SLC15A5: variants seen among roughly 807,000 people sequenced by gnomAD.
SLC15A5 encodes the protein Peptide/histidine transporter ENSP00000340402.
Under a neutral mutation model 56.1 loss-of-function variants are expected in SLC15A5, and 58 were observed. The ratio of observed to expected loss-of-function variants is 1.03; its 90% CI spans 0.84 to 1.29. The LOEUF is 1.29. Ranked by LOEUF, SLC15A5 falls within the 50% of genes most tolerant of loss-of-function variation. The probability of loss-of-function intolerance (pLI) is 0.00; values close to 1 mark genes in which losing one functional copy is unlikely to be tolerated. For synonymous variants in SLC15A5, 264 were observed against 250.5 expected (o/e 1.05, Z -0.51); for missense variants, 681 against 672.1 (o/e 1.01, Z -0.15).
At chr12:16,263,281 T>C (rs1222533075) in intron 2 of SLC15A5, among the ~76,000 whole-genome samples, 3 of 152,152 alleles carry the variant, frequency 2.0e-5, no homozygotes, top group Non-Finnish European at 4.4e-5. Context: ...TTGTTATGTT[T>C]TAGCAGAGAC....
intron 3 of SLC15A5, among the ~76,000 whole-genome samples, chr12:16,245,488 T>C (rs745904045): frequency 1.3e-5 from 2 of 152,226 alleles, no homozygotes; most frequent in Non-Finnish European, 2.9e-5. Flanking sequence ...CACTTACTGC[T>C]AGTGATTTGC....
intron 2 of SLC15A5, among the ~76,000 whole-genome samples, chr12:16,260,177 C>T (rs1291092410): frequency 6.6e-6 from 1 of 152,166 alleles, no homozygotes; most frequent in East Asian, 1.9e-4. Flanking sequence ...TTCCCTAATA[C>T]TTTGTGTAAG....
rs1436303362 is a variant in SLC15A5, at chr12:16,243,073, C to T, written c.975+1507G>A. 1.3e-4 allele frequency among the ~76,000 whole-genome samples: 19 copies of T among 151,994 alleles called. No individual in the cohort carries two copies. The highest frequency in any genetic ancestry group is 9.8e-4 in the Admixed American group (15 of 15,270). On this transcript the variant is annotated intron_variant, in intron 4 of 8. Transcript: ENST00000344941. The surrounding 1 kb of genome is among the most constrained non-coding windows in gnomAD (Gnocchi z 4.4). Reference sequence around the variant, plus strand: ...AGTAAATATGTCCACATATGGGTTCCGTGGCAATTACTCAACTCTGCTATT... The same window carrying T: ...AGTAAATATGTCCACATATGGGTTCTGTGGCAATTACTCAACTCTGCTATT...
intron 8 of SLC15A5, among the ~76,000 whole-genome samples, chr12:16,191,407 C>G (rs1863837111): frequency 6.6e-6 from 1 of 151,940 alleles, no homozygotes; most frequent in African/African-American, 2.4e-5. Context: ...TCCTCAAGAT[C>G]TTGAGGACAA....
chr12:16,193,764 C>T (rs1863861562), intron 8 of SLC15A5, among the ~76,000 whole-genome samples: 1 of 117,560 alleles, frequency 8.5e-6, no homozygotes, highest in Non-Finnish European at 1.7e-5. Context: ...CACAGCTGTC[C>T]AAGAATATGT....
chr12:16,245,413 C>T (rs565732490), intron 3 of SLC15A5, among the ~76,000 whole-genome samples: 1 of 152,298 alleles, frequency 6.6e-6, no homozygotes, highest in South Asian at 2.1e-4. Context: ...CCAGTAGTTT[C>T]TTCTAGGTTT....
At position 16,235,811 on chromosome 12, in the gene SLC15A5, C is replaced by G. The variant is rs951076961; in HGVS notation, c.1162+3870G>C. 6.6e-6 allele frequency among the ~76,000 whole-genome samples: 1 copy of G among 152,066 alleles called. No homozygotes were observed. Among genetic ancestry groups the G allele is most frequent in the African/African-American group, 2.4e-5 (1 of 41,430 alleles). On this transcript the variant is annotated intron_variant, in intron 5 of 8. Transcript: ENST00000344941. The surrounding 1 kb of genome is among the most constrained non-coding windows in gnomAD (Gnocchi z 4.1). ...GAAAATAACTGGATCCTTGACTTGG[C>G]TTTTAGCTTAGCAACCACTTTGGTT... is the stretch of plus-strand genomic sequence containing the variant.
At chr12:16,254,461 A>G (rs1864549413) in intron 3 of SLC15A5, among the ~76,000 whole-genome samples, 1 of 152,114 alleles carries the variant, frequency 6.6e-6, no homozygotes, top group South Asian at 2.1e-4. Context: ...AATGATTAAG[A>G]TGGTTTATTT....
At position 16,244,607 on chromosome 12, in the gene SLC15A5, C is replaced by G; in HGVS notation, c.948G>C (p.Gln316His). Residue 316 changes from glutamine to histidine, a missense_variant, in exon 4 of 9, where the codon CAG (glutamine) becomes CAC (histidine). Coordinates refer to ENST00000344941, the MANE Select transcript of SLC15A5 (RefSeq NM_001170798.1). ...GCATAATGCACATTCTGTATAGGAG[C>G]TGAAAAATGAAGAGAGGGAGAAGGG... The part of the protein sequence containing the change: ...FLTLLPLFIF[Q>H]LLYRMCIMQI... 6.5e-7 allele frequency: 1 copy of G among 1,537,710 alleles called. No homozygotes were observed. The highest frequency in any genetic ancestry group is 8.7e-7 in the Non-Finnish European group (1 of 1,147,042).
chr12:16,232,036 C>A (rs1864304609), intron 5 of SLC15A5, among the ~76,000 whole-genome samples: 1 of 152,200 alleles, frequency 6.6e-6, no homozygotes, highest in South Asian at 2.1e-4. Flanking sequence ...CTGAGTAATA[C>A]TATTATTTTA....
At position 16,189,689 on chromosome 12, in the gene SLC15A5, A is replaced by G. The variant is rs1016020957; in HGVS notation, c.1719T>C (p.Asp573=). 6.6e-6 allele frequency: 10 copies of G among 1,523,806 alleles called. 1 individual carries two copies. The South Asian group carries it at 1.2e-4, about 19-fold the overall frequency. 94.4% of individuals were successfully genotyped at this position (1,523,806 alleles called of 1,614,324 possible). The change falls in exon 9 of 9, where the codon GAT becomes GAC. Residue 573 remains aspartate (D), a synonymous_variant. Transcript: ENST00000344941. The part of the protein sequence containing the change: ...GSIQEFSSSI[D]LWETAL ...AGTTTCATAGGGCTGTCTCCCAAAGATCAATACTTGAAGAAAATTCCTGTA... is the reference window on the plus strand; with the variant it reads ...AGTTTCATAGGGCTGTCTCCCAAAGGTCAATACTTGAAGAAAATTCCTGTA...
chr12:16,218,110 A>G (rs1285121959), intron 6 of SLC15A5, among the ~76,000 whole-genome samples: 3 of 152,162 alleles, frequency 2.0e-5, no homozygotes, highest in African/African-American at 7.2e-5. Flanking sequence ...GAAGGAAAAA[A>G]GATGTGAATG....
At chr12:16,256,577 G>C (rs1260821675) in intron 3 of SLC15A5, among the ~76,000 whole-genome samples, 1 of 152,120 alleles carries the variant, frequency 6.6e-6, no homozygotes, top group Non-Finnish European at 1.5e-5. Context: ...AATAAATTAG[G>C]GGCCGGGCGT....
chr12:16,232,923 A>C (rs1380633847), intron 5 of SLC15A5, among the ~76,000 whole-genome samples: 2 of 151,908 alleles, frequency 1.3e-5, no homozygotes, highest in African/African-American at 4.8e-5. Context: ...CTAAAAAAGA[A>C]AAAAAGAAAG....
At position 16,244,742 on chromosome 12, in the gene SLC15A5, C is replaced by A. The variant is rs1399874389; in HGVS notation, c.813G>T (p.Pro271=). 12 of 1,537,552 alleles carry A rather than the reference C, an allele frequency of 7.8e-6. No homozygotes were observed. The highest frequency in any genetic ancestry group is 1.0e-5 in the Non-Finnish European group (12 of 1,147,010). ...VLVSALKTCH[P]QYCHLGRDVT... The stretch of plus-strand genomic sequence containing the variant: ...CGTCTCTGCCAAGATGGCAGTATTG[C>A]GGGTGGCATGTTTTCAGTGCACTAA... Residue 271 remains proline, a synonymous_variant, in exon 4 of 9, where the codon CCG becomes CCT. Coordinates refer to ENST00000344941, the MANE Select transcript of SLC15A5 (RefSeq NM_001170798.1).
chr12:16,244,648 T>C lies in SLC15A5; in HGVS notation c.907A>G (p.Thr303Ala). 1 of 1,537,686 alleles carries C rather than the reference T, an allele frequency of 6.5e-7. No individual in the cohort carries two copies. The highest frequency in any genetic ancestry group is 8.7e-7 in the Non-Finnish European group (1 of 1,147,022). The part of the protein sequence containing the change: ...GCYSELHVED[T>A]TFFLTLLPLF... ...GGGAGAAGGGTGAGGAAAAATGTTG[T>C]GTCTTCTACATGGAGCTCACTGTAG... The change falls in exon 4 of 9, where the codon ACA (threonine) becomes GCA (alanine). Residue 303 changes from threonine (T) to alanine (A), a missense_variant. By Grantham distance (58) the Thr-to-Ala change is moderately conservative. Transcript: ENST00000344941.
In SLC15A5 at chr12:16,216,901, A is replaced by G. The variant is rs1478120827; in HGVS notation, c.1475T>C (p.Ile492Thr). ...CACGAACCTATTTTTACCATCTGAGATGAGATATACCAACTTCACCAGCAG... is the reference window on the plus strand; with the variant it reads ...CACGAACCTATTTTTACCATCTGAGGTGAGATATACCAACTTCACCAGCAG... ...GALLVKLVYLISDGNWFPNTL... is the reference protein window; with the variant it reads ...GALLVKLVYLTSDGNWFPNTL... Residue 492 changes from isoleucine to threonine, a missense_variant, in exon 7 of 9, where the codon ATC becomes ACC. Physicochemically the swap from Ile to Thr is moderately conservative, Grantham distance 89 (BLOSUM62 -1). Coordinates refer to ENST00000344941, the MANE Select transcript of SLC15A5 (RefSeq NM_001170798.1). The G allele has an allele frequency of 2.0e-6, 3 of 1,536,118 alleles. No homozygotes were observed. Among genetic ancestry groups the G allele is most frequent in the Admixed American group, 2.0e-5 (1 of 50,790 alleles).
At chr12:16,244,531 A>G in intron 4 of SLC15A5, 49 bp downstream of exon 4, 5 of 1,480,228 alleles carry the variant, frequency 3.4e-6, no homozygotes, top group Non-Finnish European at 4.6e-6. Flanking sequence ...CACTGTTGAC[A>G]TGCAATCACT....
At chr12:16,199,521 G>C (rs1863929824) in intron 7 of SLC15A5, among the ~76,000 whole-genome samples, 1 of 151,952 alleles carries the variant, frequency 6.6e-6, no homozygotes, top group Admixed American at 6.6e-5. Flanking sequence ...AAAAGAGAAA[G>C]GAACCCTCCC....
Sources: gnomAD v4.1 joint callset for allele counts (sites outside exome capture counted in the v4.1 genomes callset) on GRCh38, gnomAD v4.1.1 for gene constraint, Gnocchi (gnomAD v3.1) non-coding constraint, MANE v1.5 for transcripts, NCBI Gene and HGNC (gene_info 2026-07-23, HGNC 2026-07-21) for gene names.